PATL2: variants seen among roughly 807,000 people sequenced by gnomAD.
PATL2 encodes protein PAT1 homolog 2.
In PATL2, 73 loss-of-function variants were observed where a neutral mutation model predicts 77.0. That is an observed-to-expected ratio of 0.95 (90% confidence interval 0.78 to 1.15). The LOEUF (loss-of-function observed/expected upper bound fraction) is 1.15, where lower values mean the gene tolerates loss of function less well. Among genes scored for constraint, PATL2 ranks in the 50% most tolerant of loss-of-function variants. The pLI is 0.00. For missense variants in PATL2, 618 were observed against 655.4 expected (o/e 0.94, Z 0.62); for synonymous variants, 265 against 257.1 (o/e 1.03, Z -0.29).
At chr15:44,679,557 T>TA (rs1224413707) in intron 3 of PATL2, among the ~76,000 whole-genome samples, 2 of 147,472 alleles carry the variant, frequency 1.4e-5, no homozygotes, top group Non-Finnish European at 3.0e-5. Flanking sequence ...TTTTTCTTTT[T>TA]TTTTTTTTTT....
intron 3 of PATL2, among the ~76,000 whole-genome samples, chr15:44,699,714 A>C (rs965627089): frequency 6.6e-6 from 1 of 152,206 alleles, no homozygotes; most frequent in Admixed American, 6.6e-5. Context: ...ATTCTTCTGC[A>C]TATGGATATC....
chr15:44,669,916 T>A, intron 10 of PATL2, 42 bp from the exon 11 acceptor site: 1 of 1,550,518 alleles, frequency 6.4e-7, no homozygotes, highest in Non-Finnish European at 8.7e-7. Flanking sequence ...CCTCCCACAC[T>A]CTGTCCACCC....
chr15:44,701,909 G>C (rs970740218), intron 3 of PATL2, among the ~76,000 whole-genome samples: 2 of 151,738 alleles, frequency 1.3e-5, no homozygotes, highest in Non-Finnish European at 1.5e-5. Context: ...GGTGGGGGGA[G>C]GTGTCACATT....
At chr15:44,710,592 C>G (rs995085061) in intron 2 of PATL2, among the ~76,000 whole-genome samples, 1 of 152,136 alleles carries the variant, frequency 6.6e-6, no homozygotes, top group Admixed American at 6.5e-5. Context: ...AGTCTCTTAG[C>G]CTTTGTTTCC....
At chr15:44,682,104 T>A (rs911325608) in intron 3 of PATL2, among the ~76,000 whole-genome samples, 1 of 152,192 alleles carries the variant, frequency 6.6e-6, no homozygotes, top group Non-Finnish European at 1.5e-5. Context: ...ATATTGAAAG[T>A]GTGTATCTTA....
chr15:44,709,614 A>G (rs2086810145), intron 3 of PATL2, among the ~76,000 whole-genome samples: 11 of 152,366 alleles, frequency 7.2e-5, no homozygotes. Context: ...TTTTAAACAA[A>G]TAGTTGTATA....
chr15:44,666,064 T>C (rs1445503997), intron 17 of PATL2, 93 bp from the exon 18 acceptor site: 2 of 1,198,014 alleles, frequency 1.7e-6, no homozygotes, highest in Non-Finnish European at 2.3e-6. Context: ...TAGCAGTAAT[T>C]CTGAGGACAG....
chr15:44,665,888 A>G lies in PATL2; in HGVS notation c.*65T>C. 6.5e-7 allele frequency: 1 copy of G among 1,550,372 alleles called. No homozygotes were observed. The highest frequency in any genetic ancestry group is 8.7e-7 in the Non-Finnish European group (1 of 1,146,130). ...TCAGACTCTCTGGATCCCTGTAAAC[A>G]TAGTCTATGTAGCTAGTGTCTGATG... On this transcript the variant is annotated 3_prime_UTR_variant, in exon 18 of 18. Transcript: ENST00000682850.
chr15:44,690,689 T>C (rs376650790), intron 3 of PATL2, among the ~76,000 whole-genome samples: 2 of 152,120 alleles, frequency 1.3e-5, no homozygotes, highest in South Asian at 4.1e-4. Flanking sequence ...AAAAAACTTA[T>C]GGGTAAAAAT....
At chr15:44,703,873 G>A (rs2086680979) in intron 3 of PATL2, among the ~76,000 whole-genome samples, 1 of 151,266 alleles carries the variant, frequency 6.6e-6, no homozygotes, top group Admixed American at 6.6e-5. Context: ...TAGTTGTTTT[G>A]TGGTCCTCTG....
intron 3 of PATL2, among the ~76,000 whole-genome samples, chr15:44,695,759 G>A (rs2086490477): frequency 6.6e-6 from 1 of 152,108 alleles, no homozygotes. Context: ...GACATACCTG[G>A]TCCTTCTGTG....
At position 44,669,092 on chromosome 15, in the gene PATL2, T is replaced by C; in HGVS notation, c.1112A>G (p.Lys371Arg). The C allele has an allele frequency of 6.5e-7, 1 of 1,549,500 alleles. No individual in the cohort carries two copies. The highest frequency in any genetic ancestry group is 8.7e-7 in the Non-Finnish European group (1 of 1,145,750). The change falls in exon 14 of 18, where the codon AAG (lysine) becomes AGG (arginine). Residue 371 changes from lysine (K) to arginine (R), a missense_variant. Physicochemically the swap from Lys to Arg is conservative, Grantham distance 26. Transcript: ENST00000682850. The part of the protein sequence containing the change: ...FLQVLSVRKG[K>R]ALVARLLPFL... ...GGGGAGCAGCCGGGCCACCAGGGCCTTCCCCTTCCTCACAGAGAGCACCTG... is the reference window on the plus strand; with the variant it reads ...GGGGAGCAGCCGGGCCACCAGGGCCCTCCCCTTCCTCACAGAGAGCACCTG...
chr15:44,709,508 T>C (rs1440570991), intron 3 of PATL2, among the ~76,000 whole-genome samples: 1 of 151,976 alleles, frequency 6.6e-6, no homozygotes, highest in Non-Finnish European at 1.5e-5. Flanking sequence ...ACAGCAAGAC[T>C]CTGTCTCCAC....
chr15:44,680,946 C>T (rs1247400716), intron 3 of PATL2, among the ~76,000 whole-genome samples: 2 of 152,210 alleles, frequency 1.3e-5, no homozygotes, highest in East Asian at 1.9e-4. Context: ...ATATAATTCT[C>T]GGGCTTGAAA....
In PATL2 at chr15:44,681,262, T is replaced by G. The variant is rs551220324; in HGVS notation, c.-75-4697A>C. On this transcript the variant is annotated intron_variant, in intron 3 of 17. Coordinates refer to ENST00000682850, the MANE Select transcript of PATL2 (RefSeq NM_001387263.1). The stretch of plus-strand genomic sequence containing the variant: ...TCAAACTCCTGGGCTCAAGTCGTCC[T>G]CCCACCTTGGCCTCCCAAAGTGCTG... Among the ~76,000 whole-genome samples the G allele has an allele frequency of 6.8e-4, 104 of 152,288 alleles. 2 individuals carry two copies. The highest frequency in any genetic ancestry group is 2.4e-3 in the African/African-American group (99 of 41,562).
intron 5 of PATL2, chr15:44,675,101 T>C: frequency 5.4e-6 from 1 of 185,830 alleles, no homozygotes; most frequent in Non-Finnish European, 1.1e-5. Flanking sequence ...AATCACCTCA[T>C]ATCTACATAG....
chr15:44,671,167 G>A (rs1042770311), intron 9 of PATL2, among the ~76,000 whole-genome samples: 1 of 152,200 alleles, frequency 6.6e-6, no homozygotes, highest in Non-Finnish European at 1.5e-5. Context: ...TGGGGCACTG[G>A]ATGGGAGGCT....
At chr15:44,676,888 CTGTT>C in intron 3 of PATL2, 1 of 1,069,108 alleles carries the variant, frequency 9.4e-7, no homozygotes, top group Non-Finnish European at 1.1e-6. Context: ...GCTGTCCTTT[CTGTT>C]TAAGTTATTC....
chr15:44,705,049 G>T (rs1182028267), intron 3 of PATL2, among the ~76,000 whole-genome samples: 1 of 152,096 alleles, frequency 6.6e-6, no homozygotes, highest in Non-Finnish European at 1.5e-5. Context: ...GGTTGAATTT[G>T]TTTGGTGTTC....
Sources: gnomAD v4.1 joint callset for allele counts (sites outside exome capture counted in the v4.1 genomes callset) on GRCh38, gnomAD v4.1.1 for gene constraint, MANE v1.5 for transcripts, NCBI Gene and HGNC (gene_info 2026-07-23, HGNC 2026-07-21) for gene names.